ZCCHC4: variants seen among roughly 807,000 people sequenced by gnomAD.
ZCCHC4 encodes the protein zinc finger CCHC-type containing 4, also known as rRNA N(6)-adenosine-methyltransferase ZCCHC4.
In ZCCHC4, 54 loss-of-function variants were observed where a neutral mutation model predicts 67.7. The observed-to-expected ratio is 0.80, with a 90% confidence interval of 0.64 to 1.00. The LOEUF is 1.00. Ranked by LOEUF, ZCCHC4 falls within the 50% of genes least tolerant of loss-of-function variation. ZCCHC4 has a pLI of 0.00. For missense variants in ZCCHC4, 609 were observed against 617.0 expected (o/e 0.99, Z 0.14); for synonymous variants, 198 against 213.5 (o/e 0.93, Z 0.63).
At chr4:25,344,353 A>G (rs988334476) in intron 5 of ZCCHC4, among the ~76,000 whole-genome samples, 2 of 151,530 alleles carry the variant, frequency 1.3e-5, no homozygotes, top group East Asian at 3.9e-4. Flanking sequence ...TCAGTAAACT[A>G]TCGCAAGGAC....
chr4:25,362,100 C>G, intron 9 of ZCCHC4, 120 bp downstream of exon 9: 1 of 1,442,774 alleles, frequency 6.9e-7, no homozygotes, highest in Non-Finnish European at 9.4e-7. Flanking sequence ...TAAATTAGGT[C>G]CATAATTTCA....
At chr4:25,339,443 A>C (rs1239796345) in intron 5 of ZCCHC4, among the ~76,000 whole-genome samples, 2 of 152,170 alleles carry the variant, frequency 1.3e-5, no homozygotes, top group Non-Finnish European at 2.9e-5. Context: ...TGTCCTTGCC[A>C]ATGTTTATTA....
At chr4:25,364,812 G>A (rs1486336418) in intron 11 of ZCCHC4, among the ~76,000 whole-genome samples, 1 of 152,166 alleles carries the variant, frequency 6.6e-6, no homozygotes, top group Non-Finnish European at 1.5e-5. Context: ...GAGAAGGGCT[G>A]AATTTGTTGC....
intron 5 of ZCCHC4, among the ~76,000 whole-genome samples, chr4:25,341,927 G>C (rs1719774009): frequency 6.6e-6 from 1 of 152,132 alleles, no homozygotes; most frequent in South Asian, 2.1e-4. Flanking sequence ...TGCACCTGTA[G>C]TTGTAATATC....
chr4:25,362,123 T>C, intron 9 of ZCCHC4, 103 bp from the exon 10 acceptor site: 1 of 1,446,970 alleles, frequency 6.9e-7, no homozygotes, highest in South Asian at 1.3e-5. Flanking sequence ...CTTAATTGAA[T>C]TCAGATTGCA....
intron 3 of ZCCHC4, among the ~76,000 whole-genome samples, chr4:25,324,881 A>C (rs1178324483): frequency 4.6e-5 from 7 of 152,154 alleles, no homozygotes; most frequent in African/African-American, 1.7e-4. Flanking sequence ...GAATTGGGCT[A>C]ATTGTCTTTT....
chr4:25,318,349 C>CTTTTTTTTTTTTTTTTTTTTTTTTTTTT (rs528144406), intron 3 of ZCCHC4, among the ~76,000 whole-genome samples: 2 of 45,510 alleles, frequency 4.4e-5, no homozygotes, highest in Non-Finnish European at 3.6e-5. Context: ...CACTCTCTCT[C>CTTTTTTTTTTTTTTTTTTTTTTTTTTTT]TTTTTTTTTT....
intron 5 of ZCCHC4, among the ~76,000 whole-genome samples, chr4:25,340,812 T>C (rs781532086): frequency 3.9e-5 from 6 of 152,318 alleles, no homozygotes; most frequent in East Asian, 1.9e-4. Flanking sequence ...TGATTTACTT[T>C]AAAAAATTTT....
chr4:25,364,371 A>G, intron 10 of ZCCHC4, 83 bp from the exon 11 acceptor site: 1 of 1,069,156 alleles, frequency 9.4e-7, no homozygotes, highest in Non-Finnish European at 1.3e-6. Flanking sequence ...AGATTTTAAT[A>G]AGACATTTTA....
chr4:25,327,453 A>C (rs1047775848), intron 3 of ZCCHC4, among the ~76,000 whole-genome samples: 2 of 124,136 alleles, frequency 1.6e-5, no homozygotes, highest in Non-Finnish European at 3.2e-5. Context: ...TTCCTTCCTT[A>C]CTTGCTTCGT....
At chr4:25,344,235 C>T (rs143631757) in intron 5 of ZCCHC4, among the ~76,000 whole-genome samples, 1 of 152,200 alleles carries the variant, frequency 6.6e-6, no homozygotes, top group Admixed American at 6.5e-5. Flanking sequence ...CTCTCATGCA[C>T]TGCCAATGGC....
chr4:25,327,003 ACT>A (rs977105358), intron 3 of ZCCHC4, among the ~76,000 whole-genome samples: 13 of 151,972 alleles, frequency 8.6e-5, no homozygotes, highest in Non-Finnish European at 1.9e-4. Flanking sequence ...CTATTGCTAG[ACT>A]CTAACAATAC....
intron 3 of ZCCHC4, among the ~76,000 whole-genome samples, chr4:25,329,558 CAG>C (rs1221343860): frequency 7.9e-6 from 1 of 127,348 alleles, no homozygotes; most frequent in Admixed American, 9.4e-5. Flanking sequence ...TGTTTTGAGA[CAG>C]AGTCTCGCTC....
In ZCCHC4 at chr4:25,365,178, A is replaced by G. The variant is rs1280555158; in HGVS notation, c.1406+12A>G. 1.9e-6 allele frequency: 3 copies of G among 1,613,220 alleles called. No individual in the cohort carries two copies. The highest frequency in any genetic ancestry group is 2.2e-5 in the East Asian group (1 of 44,872). On this transcript the variant is annotated intron_variant, in intron 12 of 12. Transcript: ENST00000302874. ...AAGAGAGCTAACAAGTCAGTCGAAT[A>G]CTTTACTAGAAAAATGTATTCCATC...
chr4:25,315,837 T>C (rs1262561053), intron 3 of ZCCHC4, among the ~76,000 whole-genome samples: 3 of 151,594 alleles, frequency 2.0e-5, no homozygotes, highest in African/African-American at 7.3e-5. Context: ...CTCAGCCTCA[T>C]GAGTAGCTGG....
intron 3 of ZCCHC4, among the ~76,000 whole-genome samples, chr4:25,331,822 A>G (rs555918690): frequency 2.0e-5 from 3 of 152,350 alleles, no homozygotes; most frequent in African/African-American, 7.2e-5. Flanking sequence ...CAGTTATCAT[A>G]GAAATAGAAA....
At chr4:25,313,970 G>A (rs1718098520) in intron 1 of ZCCHC4, 76 bp from the exon 2 acceptor site, 3 of 827,446 alleles carry the variant, frequency 3.6e-6, no homozygotes, top group African/African-American at 1.7e-5. Context: ...TTTATTTAAG[G>A]GCAGCGAAAA....
At chr4:25,343,944 T>C (rs1719872631) in intron 5 of ZCCHC4, among the ~76,000 whole-genome samples, 1 of 152,186 alleles carries the variant, frequency 6.6e-6, no homozygotes, top group African/African-American at 2.4e-5. Context: ...ATGTGAGTCA[T>C]ATGTAAATTA....
At chr4:25,329,785 G>A (rs146503555) in intron 3 of ZCCHC4, among the ~76,000 whole-genome samples, 11 of 151,640 alleles carry the variant, frequency 7.3e-5, no homozygotes, top group African/African-American at 1.9e-4. Context: ...TGCCTGCCTC[G>A]GCCTCCCATA....
Sources: gnomAD v4.1 joint callset for allele counts (sites outside exome capture counted in the v4.1 genomes callset) on GRCh38, gnomAD v4.1.1 for gene constraint, MANE v1.5 for transcripts, NCBI Gene and HGNC (gene_info 2026-07-23, HGNC 2026-07-21) for gene names.